Variants in NEBL observed in about 807,000 individuals in gnomAD.
NEBL encodes LIM and SH3 protein 2.
NEBL carries 122 observed loss-of-function variants against 140.2 expected under a neutral mutation model. The ratio of observed to expected loss-of-function variants is 0.87; its 90% confidence interval spans 0.75 to 1.01. The LOEUF (loss-of-function observed/expected upper bound fraction) is 1.01, where lower values mean the gene tolerates loss of function less well. NEBL is among the 50% of genes least tolerant of loss of function. NEBL has a pLI of 0.00. For synonymous variants in NEBL, 436 were observed against 398.9 expected, an observed-to-expected ratio of 1.09 and a Z score of -1.11; for missense variants, 1,365 against 1,231.3, an observed-to-expected ratio of 1.11 and a Z score of -1.62.
chr10:21,197,182 C>G (rs1223081983), intron 3 of NEBL, among the ~76,000 whole-genome samples: 10 of 152,172 alleles, frequency 6.6e-5, no homozygotes, highest in Admixed American at 6.5e-4. Flanking sequence ...GGCACTGAGC[C>G]CTGGCTGTGC....
intron 3 of NEBL, among the ~76,000 whole-genome samples, chr10:21,213,428 A>G (rs573676475): frequency 6.6e-6 from 1 of 152,334 alleles, no homozygotes; most frequent in African/African-American, 2.4e-5. Flanking sequence ...GGACGGGGGA[A>G]GCTTCAGTCT....
At chr10:21,149,437 C>T (rs556314023) in intron 2 of NEBL, among the ~76,000 whole-genome samples, 1 of 152,144 alleles carries the variant, frequency 6.6e-6, no homozygotes, top group South Asian at 2.1e-4. Context: ...ACTACAGGTG[C>T]CTGCCACCAC....
chr10:21,058,199 CAGG>C (rs1835116046), intron 2 of NEBL, among the ~76,000 whole-genome samples: 2 of 152,278 alleles, frequency 1.3e-5, no homozygotes, highest in South Asian at 4.1e-4. Context: ...GGTCAGGAGC[CAGG>C]GTTAGTTCAG....
chr10:20,976,331 C>G (rs2131648012), intron 3 of NEBL, among the ~76,000 whole-genome samples: 1 of 141,644 alleles, frequency 7.1e-6, no homozygotes, highest in South Asian at 2.4e-4. Context: ...GACTGAGACT[C>G]TATATTAAAA....
chr10:20,907,489 T>C (rs1262865794), intron 4 of NEBL, among the ~76,000 whole-genome samples: 1 of 152,144 alleles, frequency 6.6e-6, no homozygotes, highest in Admixed American at 6.6e-5. Context: ...TCTATCTAAA[T>C]AGCAAAAAGT....
chr10:21,227,704 CTT>C (rs1842177697), intron 3 of NEBL, among the ~76,000 whole-genome samples: 1 of 74,888 alleles, frequency 1.3e-5, no homozygotes. Context: ...TCTTCTTCTT[CTT>C]CTTCTTTCTT....
chr10:20,787,182 C>T lies in NEBL; in HGVS notation c.2868+20G>A, dbSNP rs780451303. Reference sequence around the variant, plus strand: ...AATGGGAAGACCAGCTAAGGAGGAACGTATCAAATGGACACTTACTAGATT... The same window carrying T: ...AATGGGAAGACCAGCTAAGGAGGAATGTATCAAATGGACACTTACTAGATT... On this transcript the variant is annotated intron_variant, in intron 27 of 27. Transcript: ENST00000377122. 3.3e-5 allele frequency: 52 copies of T among 1,554,558 alleles called. No homozygotes were observed. The highest frequency in any genetic ancestry group is 1.7e-4 in the Middle Eastern group (1 of 5,972).
chr10:21,259,325 T>C (rs894909542), intron 1 of NEBL, among the ~76,000 whole-genome samples: 6 of 152,178 alleles, frequency 3.9e-5, no homozygotes, highest in South Asian at 2.1e-4. Flanking sequence ...ACTTCATCAC[T>C]AGGCTGTGCC....
At chr10:21,062,723 T>C (rs1835358878) in intron 2 of NEBL, among the ~76,000 whole-genome samples, 1 of 151,954 alleles carries the variant, frequency 6.6e-6, no homozygotes, top group Admixed American at 6.6e-5. Context: ...CCATTCCTTT[T>C]GTTTCCCTAT....
intron 2 of NEBL, among the ~76,000 whole-genome samples, chr10:20,890,219 G>A (rs561765953): frequency 2.0e-5 from 3 of 152,258 alleles, no homozygotes; most frequent in African/African-American, 7.2e-5. Flanking sequence ...GATGGGTCCT[G>A]TTTACCCAGC....
At chr10:21,067,645 G>GA (rs1414154355) in intron 2 of NEBL, among the ~76,000 whole-genome samples, 3 of 152,062 alleles carry the variant, frequency 2.0e-5, no homozygotes, top group African/African-American at 7.2e-5. Context: ...GGGAGAAGGG[G>GA]GGACCTCTCA....
intron 1 of NEBL, among the ~76,000 whole-genome samples, chr10:21,272,659 C>T (rs1054546421): frequency 2.0e-5 from 3 of 152,144 alleles, no homozygotes; most frequent in African/African-American, 7.2e-5. Flanking sequence ...AGCTGTGTGG[C>T]ATTTGAGCAA....
chr10:20,934,826 T>G (rs920458244), intron 4 of NEBL, among the ~76,000 whole-genome samples: 1 of 152,224 alleles, frequency 6.6e-6, no homozygotes, highest in Non-Finnish European at 1.5e-5. Context: ...CCACAGCACA[T>G]AAAATGCACC....
chr10:20,803,785 T>C (rs751748314), intron 26 of NEBL, among the ~76,000 whole-genome samples: 1 of 148,126 alleles, frequency 6.8e-6, no homozygotes, highest in African/African-American at 2.5e-5. Flanking sequence ...TGAGAAATCA[T>C]GGAGACTTCT....
In NEBL at chr10:21,055,137, AG is replaced by A. The variant is rs1834954661; in HGVS notation, c.165-34937del. Among the ~76,000 whole-genome samples the A allele has an allele frequency of 2.0e-5, 3 of 152,208 alleles. No individual in the cohort carries two copies. The South Asian group carries it at 6.2e-4, about 31-fold the overall frequency. On this transcript the variant is annotated intron_variant, in intron 2 of 6. Transcript: ENST00000417816. The stretch of plus-strand genomic sequence containing the variant: ...TTCTTTTAAGCTTCTGCTATTAAAA[AG>A]TTTTACAACCTTATGCTTTCTTAAT...
At chr10:21,128,226 G>C (rs937115999) in intron 2 of NEBL, among the ~76,000 whole-genome samples, 6 of 152,046 alleles carry the variant, frequency 3.9e-5, no homozygotes, top group African/African-American at 1.4e-4. Flanking sequence ...CCATTAGTAA[G>C]ACATGTATGT....
At chr10:21,138,324 T>C (rs1839452566) in intron 2 of NEBL, among the ~76,000 whole-genome samples, 1 of 151,282 alleles carries the variant, frequency 6.6e-6, no homozygotes, top group Non-Finnish European at 1.5e-5. Context: ...GGCTTATGGA[T>C]TCCCACCAAG....
intron 2 of NEBL, among the ~76,000 whole-genome samples, chr10:21,138,721 C>G (rs1839474327): frequency 6.6e-6 from 1 of 151,688 alleles, no homozygotes; most frequent in Non-Finnish European, 1.5e-5. Flanking sequence ...GGTAACTTGC[C>G]CAGAGTCACA....
intron 1 of NEBL, among the ~76,000 whole-genome samples, chr10:21,279,583 A>G (rs1842966909): frequency 6.6e-6 from 1 of 152,148 alleles, no homozygotes. Context: ...CCTGGCCAAC[A>G]TGGCAAAACC....
Sources: gnomAD v4.1 joint callset for allele counts (sites outside exome capture counted in the v4.1 genomes callset) on GRCh38, gnomAD v4.1.1 for gene constraint, MANE v1.5 for transcripts, NCBI Gene and HGNC (gene_info 2026-07-23, HGNC 2026-07-21) for gene names.